The following NAALAD2 variants were observed in gnomAD, a reference collection of about 807,000 sequenced individuals.
NAALAD2 encodes N-acetylated alpha-linked acidic dipeptidase 2.
NAALAD2 carries 89 observed loss-of-function variants against 95.6 expected under a neutral mutation model. The observed-to-expected ratio is 0.93, with a 90% CI of 0.78 to 1.11. NAALAD2 has a LOEUF of 1.11. Ranked by LOEUF, NAALAD2 falls within the 50% of genes least tolerant of loss-of-function variation. NAALAD2 has a pLI of 0.00. For missense variants in NAALAD2, 894 were observed against 872.4 expected, an observed-to-expected ratio of 1.02 and a Z score of -0.31; for synonymous variants, 264 against 294.4, an observed-to-expected ratio of 0.90 and a Z score of 1.06.
chr11:90,187,348 G>T (rs569012120), intron 18 of NAALAD2, among the ~76,000 whole-genome samples: 207 of 152,090 alleles, frequency 1.4e-3, no homozygotes, highest in African/African-American at 4.8e-3. Context: ...CTACCAAACT[G>T]TCCTCCAAAG....
intron 11 of NAALAD2, 127 bp downstream of exon 11, chr11:90,163,744 A>G: frequency 3.3e-6 from 3 of 898,884 alleles, no homozygotes; most frequent in South Asian, 1.5e-5. Flanking sequence ...ATGACTCAAG[A>G]CAATTTAAGA....
chr11:90,149,728 G>A (rs61903688), intron 4 of NAALAD2, among the ~76,000 whole-genome samples: 5,480 of 151,944 alleles, frequency 0.036, 149 homozygotes, highest in Non-Finnish European at 0.051. Context: ...GTGAGCTACC[G>A]CTTCCGCCCA....
intron 11 of NAALAD2, among the ~76,000 whole-genome samples, chr11:90,166,659 C>A (rs1408821673): frequency 6.6e-6 from 1 of 151,864 alleles, no homozygotes; most frequent in Non-Finnish European, 1.5e-5. Context: ...CATGGTGAAA[C>A]CCCACCTCTA....
chr11:90,179,420 A>G (rs1827026935), intron 16 of NAALAD2, among the ~76,000 whole-genome samples: 1 of 152,154 alleles, frequency 6.6e-6, no homozygotes, highest in Non-Finnish European at 1.5e-5. Flanking sequence ...AGTACTATAA[A>G]AACACAGAAA....
intron 11 of NAALAD2, among the ~76,000 whole-genome samples, chr11:90,167,963 C>A (rs1241898831): frequency 6.6e-6 from 1 of 152,192 alleles, no homozygotes; most frequent in African/African-American, 2.4e-5. Flanking sequence ...GCAGCAGTGG[C>A]AACCCTCTGG....
chr11:90,181,310 T>C (rs1202901576), intron 16 of NAALAD2, among the ~76,000 whole-genome samples: 1 of 152,110 alleles, frequency 6.6e-6, no homozygotes, highest in Non-Finnish European at 1.5e-5. Context: ...CATACAGTTG[T>C]TGTCCCAATG....
chr11:90,149,915 G>T (rs931055926), intron 4 of NAALAD2, among the ~76,000 whole-genome samples: 1 of 151,966 alleles, frequency 6.6e-6, no homozygotes, highest in Non-Finnish European at 1.5e-5. Flanking sequence ...ATTCCCTGTG[G>T]CTTTGTATAC....
chr11:90,172,326 T>C (rs1016873153), intron 13 of NAALAD2, among the ~76,000 whole-genome samples: 3 of 152,156 alleles, frequency 2.0e-5, no homozygotes, highest in Non-Finnish European at 4.4e-5. Context: ...ATCTCATTCA[T>C]ACAAAGCTAA....
intron 15 of NAALAD2, 145 bp downstream of exon 15, chr11:90,176,207 T>A (rs1255425410): frequency 5.1e-6 from 3 of 586,028 alleles, no homozygotes. Context: ...CATGTCCCTT[T>A]CCAGATGGAC....
chr11:90,145,055 A>G (rs1951717213), intron 2 of NAALAD2, among the ~76,000 whole-genome samples: 1 of 152,102 alleles, frequency 6.6e-6, no homozygotes, highest in South Asian at 2.1e-4. Context: ...TAAGCCAATC[A>G]TTACCCTCCC....
Position 90,181,660 on chromosome 11 carries a change from T to A in NAALAD2, c.1899T>A (p.Ala633=). Residue 633 remains alanine (A), a synonymous_variant, in exon 17 of 19, where the codon GCT becomes GCA. Transcript: ENST00000534061. Reference sequence around the variant, plus strand: ...CTGTGAAAAACTTCTCAGAGGCTGCTTCAGATTTTCATAAACGACTTATAC... The same window carrying A: ...CTGTGAAAAACTTCTCAGAGGCTGCATCAGATTTTCATAAACGACTTATAC... ...FSAVKNFSEA[A]SDFHKRLIQV... 1 of 1,607,574 alleles carries A rather than the reference T, an allele frequency of 6.2e-7. No homozygotes were observed. Among genetic ancestry groups the A allele is most frequent in the Non-Finnish European group, 8.5e-7 (1 of 1,177,016 alleles).
At chr11:90,134,260 G>T (rs753087767), upstream of NAALAD2, among the ~76,000 whole-genome samples, 8 of 152,192 alleles carry the variant, frequency 5.3e-5, no homozygotes, top group Admixed American at 2.0e-4. Context: ...TGCGGTATTA[G>T]TGATGTTAAC....
chr11:90,149,714 A>C (rs2134863712), intron 4 of NAALAD2, among the ~76,000 whole-genome samples: 1 of 152,196 alleles, frequency 6.6e-6, no homozygotes, highest in East Asian at 1.9e-4. Flanking sequence ...CTGGGATTAC[A>C]GGCGTGAGCT....
chr11:90,153,657 G>C (rs1439249865), intron 6 of NAALAD2, among the ~76,000 whole-genome samples: 1 of 151,968 alleles, frequency 6.6e-6, no homozygotes, highest in African/African-American at 2.4e-5. Flanking sequence ...GGCAATATTT[G>C]GGAGAATTGA....
At position 90,179,837 on chromosome 11, in the gene NAALAD2, C is replaced by T. The variant is rs146098068; in HGVS notation, c.1858+1720C>T. Among the ~76,000 whole-genome samples the T allele has an allele frequency of 3.5e-3, 537 of 152,174 alleles. 4 individuals are homozygous for T. The highest frequency in any genetic ancestry group is 0.012 in the African/African-American group (491 of 41,542). ...GTTAATTCTTCTACCTACTTACCTTCTTAGAGGCCTGGTTTGATCTGTTAA... is the reference window on the plus strand; with the variant it reads ...GTTAATTCTTCTACCTACTTACCTTTTTAGAGGCCTGGTTTGATCTGTTAA... On this transcript the variant is annotated intron_variant, in intron 16 of 18. Transcript: ENST00000534061.
At position 90,163,544 on chromosome 11, in the gene NAALAD2, C is replaced by G. The variant is rs140795220; in HGVS notation, c.1205C>G (p.Pro402Arg). Residue 402 changes from proline (P) to arginine (R), a missense_variant, in exon 11 of 19, where the codon CCT becomes CGT. Physicochemically the swap from Pro to Arg is moderately radical, Grantham distance 103 (BLOSUM62 -2). Transcript: ENST00000534061. The part of the protein sequence containing the change: ...FGKLMSKGWR[P>R]RRTIIFASWD... ...TTAACAATTCTTACAGGCTGGAGAC[C>G]TAGAAGAACTATCATTTTTGCCAGC... The G allele has an allele frequency of 2.5e-6, 4 of 1,613,846 alleles. No homozygotes were observed. In the African/African-American group the frequency reaches 5.3e-5, roughly 22 times the overall value.
upstream of NAALAD2, chr11:90,134,536 C>T (rs1040857658): frequency 5.5e-6 from 3 of 540,672 alleles, no homozygotes; most frequent in African/African-American, 1.9e-5. Context: ...GGAAGTTGCC[C>T]GCCAACAGGA....
chr11:90,134,649 A>T, upstream of NAALAD2: 1 of 1,052,418 alleles, frequency 9.5e-7, no homozygotes, highest in Non-Finnish European at 1.4e-6. Flanking sequence ...TGCGAAGGTC[A>T]GCGGAGGCCA....
chr11:90,177,831 T>A, intron 15 of NAALAD2, 22 bp from the exon 16 acceptor site: 1 of 1,585,538 alleles, frequency 6.3e-7, no homozygotes, highest in South Asian at 1.2e-5. Context: ...TATTTATACT[T>A]GCCTCTCCAT....
Sources: allele counts gnomAD v4.1 joint callset (sites outside exome capture counted in the v4.1 genomes callset), GRCh38; gene constraint gnomAD v4.1.1; transcripts MANE v1.5; gene names NCBI Gene and HGNC (gene_info 2026-07-23, HGNC 2026-07-21).